DMXL1: variants seen among roughly 807,000 people sequenced by gnomAD.
The protein encoded by DMXL1 is Dmx like 1, also known as dmX-like protein 1.
Under a neutral mutation model 319.2 loss-of-function variants are expected in DMXL1, and 99 were observed. That is an observed-to-expected ratio of 0.31 (90% confidence interval 0.26 to 0.37). The LOEUF is 0.37. Ranked by LOEUF, DMXL1 falls within the 10% of genes least tolerant of loss-of-function variation. The pLI is 1.00. For missense variants in DMXL1, 3,745 were observed against 3,595.6 expected (o/e 1.04, Z -1.06); for synonymous variants, 1,385 against 1,235.2 (o/e 1.12, Z -2.54).
intron 1 of DMXL1, among the ~76,000 whole-genome samples, chr5:119,090,237 T>C (rs1337487672): frequency 1.3e-5 from 2 of 151,476 alleles, no homozygotes; most frequent in African/African-American, 4.9e-5. Context: ...GCCAGGCTAG[T>C]CTGGAACTCC....
At chr5:119,119,468 G>C (rs1334133615) in intron 8 of DMXL1, among the ~76,000 whole-genome samples, 2 of 152,060 alleles carry the variant, frequency 1.3e-5, no homozygotes, top group East Asian at 1.9e-4. Context: ...AGGTAGAATA[G>C]TAATACATTT....
intron 42 of DMXL1, among the ~76,000 whole-genome samples, chr5:119,240,756 A>AT (rs1788624195): frequency 6.6e-6 from 1 of 152,192 alleles, no homozygotes; most frequent in Admixed American, 6.5e-5. Context: ...TAAACTCAAT[A>AT]TTATGTCCCC....
Position 119,100,087 on chromosome 5 carries a change from C to T in DMXL1, c.214-1848C>T, listed in dbSNP as rs1756899035. On this transcript the variant is annotated intron_variant, in intron 2 of 43. Coordinates refer to ENST00000539542, the MANE Select transcript of DMXL1 (RefSeq NM_001290321.3). ...AAATATTTTCTTCATTTACAGATAT[C>T]AGTATTATCATAGTGGTTCCTTAAA... Among the ~76,000 whole-genome samples, 2 of 152,128 alleles carry T rather than the reference C, an allele frequency of 1.3e-5. 1 individual carries two copies. Among genetic ancestry groups the T allele is most frequent in the South Asian group, 4.2e-4 (2 of 4,794 alleles).
At position 119,147,112 on chromosome 5, in the gene DMXL1, TC is replaced by T. The variant is rs1361508873; in HGVS notation, c.2690-136del. ...TTAATTCAAAAAGCTTTTCTTATTT[TC>T]TTTCTGTGAAGAATCATATTAATAT... On this transcript the variant is annotated intron_variant, in intron 16 of 43. Transcript: ENST00000539542. The T allele has an allele frequency of 2.5e-4, 287 of 1,153,514 alleles. 1 individual carries two copies. In the African/African-American group the frequency reaches 4.2e-3, roughly 17 times the overall value. The allele number at this position is 1,153,514 out of a possible 1,614,324, so 71.5% of individuals were successfully genotyped here. A position where few individuals can be genotyped will look rare whatever the true frequency, so the allele number is the denominator to read the frequency against.
chr5:119,119,795 G>A (rs1384739262), intron 8 of DMXL1, among the ~76,000 whole-genome samples: 1 of 152,062 alleles, frequency 6.6e-6, no homozygotes, highest in Non-Finnish European at 1.5e-5. Context: ...ACAGGCATAA[G>A]CCATGGCGCT....
Position 119,170,209 on chromosome 5 carries a change from T to G in DMXL1, c.5418T>G (p.Ser1806Arg). 6.3e-7 allele frequency: 1 copy of G among 1,599,870 alleles called. No individual in the cohort carries two copies. Among genetic ancestry groups the G allele is most frequent in the Non-Finnish European group, 8.5e-7 (1 of 1,175,626 alleles). ...RENDDQVLSA[S>R]NPTVFNFYNY... Reference sequence around the variant, plus strand: ...TTTCAGATCAAGTTTTATCAGCCAGTAATCCTACAGTTTTTAATTTCTACA... The same window carrying G: ...TTTCAGATCAAGTTTTATCAGCCAGGAATCCTACAGTTTTTAATTTCTACA... Residue 1806 changes from serine (S) to arginine (R), a missense_variant, in exon 24 of 44, where the codon AGT (serine) becomes AGG (arginine). This residue lies in a region of DMXL1 where 1,382 missense variants were observed against 1,269.5 expected (regional missense o/e 1.09). Transcript: ENST00000539542.
chr5:119,094,646 C>T (rs1755525210), intron 1 of DMXL1, among the ~76,000 whole-genome samples: 1 of 151,978 alleles, frequency 6.6e-6, no homozygotes, highest in Non-Finnish European at 1.5e-5. Flanking sequence ...ATAATGATTC[C>T]TCTGATTGAT....
intron 8 of DMXL1, 88 bp from the exon 9 acceptor site, chr5:119,120,883 A>T: frequency 1.9e-6 from 2 of 1,055,366 alleles, no homozygotes; most frequent in Non-Finnish European, 2.6e-6. Context: ...CTGAGCTAGG[A>T]TATATGTAAC....
intron 2 of DMXL1, chr5:119,100,492 GT>G (rs934141307): frequency 4.7e-5 from 7 of 149,952 alleles, no homozygotes; most frequent in Non-Finnish European, 7.4e-5. Context: ...TATTATTACT[GT>G]TTTTTTCTTT....
chr5:119,110,091 A>T, intron 4 of DMXL1, 60 bp from the exon 5 acceptor site: 5 of 1,418,538 alleles, frequency 3.5e-6, no homozygotes, highest in Non-Finnish European at 4.7e-6. Flanking sequence ...ATTCTTGAGC[A>T]TGTAAATTAA....
chr5:119,091,594 T>C (rs1280653536), intron 1 of DMXL1, among the ~76,000 whole-genome samples: 1 of 152,206 alleles, frequency 6.6e-6, no homozygotes, highest in East Asian at 1.9e-4. Flanking sequence ...TTGGTTTATA[T>C]TGGATATCTT....
At chr5:119,190,993 G>T (rs1778610723) in intron 29 of DMXL1, among the ~76,000 whole-genome samples, 1 of 152,178 alleles carries the variant, frequency 6.6e-6, no homozygotes, top group East Asian at 1.9e-4. Flanking sequence ...TTGATAAAAT[G>T]TTTTATTTCT....
rs752998453 is a variant in DMXL1 at position 119,133,590 on chromosome 5, G to C, written c.1666G>C (p.Asp556His). ...IMMYACTKNV[D>H]LAIQQGKQKP... ...GATGTATGCCTGTACCAAGAATGTT[G>C]ACTTGGCTATTCAGCAGGGGAAACA... The change falls in exon 12 of 44, where the codon GAC (aspartate) becomes CAC (histidine). Residue 556 changes from aspartate (D) to histidine (H), a missense_variant. By Grantham distance (81) the Asp-to-His change is moderately conservative (BLOSUM62 -1). Transcript: ENST00000539542. The C allele has an allele frequency of 6.2e-7, 1 of 1,614,062 alleles. No homozygotes were observed. The highest frequency in any genetic ancestry group is 8.5e-7 in the Non-Finnish European group (1 of 1,180,020).
chr5:119,181,162 T>G (rs1456319966), intron 28 of DMXL1, among the ~76,000 whole-genome samples: 1 of 152,122 alleles, frequency 6.6e-6, no homozygotes, highest in African/African-American at 2.4e-5. Flanking sequence ...TAAATTATTT[T>G]GGGGGGGCCA....
chr5:119,192,001 A>G (rs908570329), intron 29 of DMXL1, among the ~76,000 whole-genome samples: 8 of 152,314 alleles, frequency 5.3e-5, no homozygotes, highest in South Asian at 2.1e-4. Context: ...GGACTTACCA[A>G]GCTCTTTACT....
intron 15 of DMXL1, 57 bp downstream of exon 15, chr5:119,144,695 A>T (rs2150115208): frequency 9.7e-7 from 1 of 1,030,088 alleles, no homozygotes; most frequent in East Asian, 2.8e-5. Context: ...TTAGGCAGTT[A>T]ATAAAGATGA....
In DMXL1 at chr5:119,170,199, T is replaced by C. The variant is rs1407629986; in HGVS notation, c.5408T>C (p.Leu1803Ser). ...ATGAATTTACTTTCAGATCAAGTTTTATCAGCCAGTAATCCTACAGTTTTT... is the reference window on the plus strand; with the variant it reads ...ATGAATTTACTTTCAGATCAAGTTTCATCAGCCAGTAATCCTACAGTTTTT... Reference protein sequence around the residue: ...QPIRENDDQVLSASNPTVFNF... With the variant: ...QPIRENDDQVSSASNPTVFNF... Residue 1803 changes from leucine to serine, a missense_variant, in exon 24 of 44, where the codon TTA becomes TCA. Transcript: ENST00000539542. 4.4e-6 allele frequency: 7 copies of C among 1,592,128 alleles called. No homozygotes were observed. Among genetic ancestry groups the C allele is most frequent in the Admixed American group, 3.7e-5 (2 of 54,742 alleles).
chr5:119,226,517 T>G (rs1785594796), intron 38 of DMXL1, among the ~76,000 whole-genome samples: 1 of 152,226 alleles, frequency 6.6e-6, no homozygotes, highest in Non-Finnish European at 1.5e-5. Context: ...TATGCTGTCA[T>G]GTACAGTTCT....
intron 20 of DMXL1, among the ~76,000 whole-genome samples, chr5:119,164,882 A>G (rs1014323774): frequency 2.6e-5 from 4 of 151,146 alleles, no homozygotes; most frequent in African/African-American, 9.7e-5. Flanking sequence ...TTTAATTGAC[A>G]AACTTGTTAG....
Sources: allele counts gnomAD v4.1 joint callset (sites outside exome capture counted in the v4.1 genomes callset), GRCh38; gene constraint gnomAD v4.1.1; regional missense constraint gnomAD v4.1.1; transcripts MANE v1.5; gene names NCBI Gene and HGNC (gene_info 2026-07-23, HGNC 2026-07-21).